The following RB1CC1 variants were observed in gnomAD, a reference collection of about 807,000 sequenced individuals.
RB1CC1 encodes the protein RB1 inducible coiled-coil 1, also known as RB1-inducible coiled-coil protein 1.
In RB1CC1, 46 loss-of-function variants were observed where a neutral mutation model predicts 177.5. The observed-to-expected ratio is 0.26, with a 90% CI of 0.20 to 0.33. RB1CC1 has a LOEUF of 0.33. RB1CC1 is among the 10% of genes least tolerant of loss of function. RB1CC1 has a pLI of 1.00. For synonymous variants in RB1CC1, 666 were observed against 613.6 expected (o/e 1.09, Z -1.26); for missense variants, 1,703 against 1,816.3 (o/e 0.94, Z 1.13).
Position 52,658,993 on chromosome 8 carries a change from A to C in RB1CC1, c.1690-17T>G. On this transcript the variant is annotated splice_polypyrimidine_tract_variant and intron_variant, in intron 12 of 23. Transcript: ENST00000025008. ...CTTTTGAGTCTGTACCAAAAAAATT[A>C]ATTACTTAAAAAATTTTTTTTCAAC... is the stretch of plus-strand genomic sequence containing the variant. 2 of 1,433,352 alleles carry C rather than the reference A, an allele frequency of 1.4e-6. No homozygotes were observed. The highest frequency in any genetic ancestry group is 2.9e-5 in the South Asian group (2 of 67,848). The allele number at this position is 1,433,352 out of a possible 1,614,324, so 88.8% of individuals were successfully genotyped here.
chr8:52,624,309 T>C (rs1848234044), intron 23 of RB1CC1, among the ~76,000 whole-genome samples: 1 of 151,944 alleles, frequency 6.6e-6, no homozygotes, highest in Admixed American at 6.6e-5. Flanking sequence ...AATCAGTCCA[T>C]TTGTTAAGCC....
chr8:52,695,304 T>C (rs1378774446), intron 1 of RB1CC1, among the ~76,000 whole-genome samples: 14 of 152,230 alleles, frequency 9.2e-5, no homozygotes, highest in African/African-American at 2.4e-5. Flanking sequence ...AAAGAAGGCA[T>C]TGACAGACCT....
At chr8:52,637,951 A>T (rs1048306885) in intron 18 of RB1CC1, among the ~76,000 whole-genome samples, 1 of 152,162 alleles carries the variant, frequency 6.6e-6, no homozygotes, top group African/African-American at 2.4e-5. Context: ...GATTACAGGC[A>T]TGAGCCACTG....
At chr8:52,623,905 ATCTC>A (rs201357203) in intron 23 of RB1CC1, 46 bp from the exon 24 acceptor site, 5 of 1,222,928 alleles carry the variant, frequency 4.1e-6, no homozygotes, top group African/African-American at 1.6e-5. Context: ...ATTAAACCAC[ATCTC>A]TCTCTCTCAC....
intron 7 of RB1CC1, among the ~76,000 whole-genome samples, chr8:52,670,389 T>C (rs1403188826): frequency 1.3e-5 from 2 of 152,222 alleles, no homozygotes; most frequent in African/African-American, 2.4e-5. Context: ...CAGTGATACA[T>C]TAATTTTTAC....
intron 18 of RB1CC1, among the ~76,000 whole-genome samples, chr8:52,636,275 T>C (rs1849136875): frequency 6.6e-6 from 1 of 152,214 alleles, no homozygotes; most frequent in South Asian, 2.1e-4. Flanking sequence ...TTTGAAATAA[T>C]AAGTAAAACT....
At chr8:52,674,861 TA>T (rs780249170) in intron 6 of RB1CC1, among the ~76,000 whole-genome samples, 1 of 152,076 alleles carries the variant, frequency 6.6e-6, no homozygotes, top group African/African-American at 2.4e-5. Flanking sequence ...GTAACAAATT[TA>T]AATTTACAAA....
intron 1 of RB1CC1, among the ~76,000 whole-genome samples, chr8:52,700,468 G>C (rs1052034719): frequency 6.6e-6 from 1 of 152,156 alleles, no homozygotes. Flanking sequence ...CTGGGAGGTT[G>C]AGGCTGCAGC....
intron 18 of RB1CC1, among the ~76,000 whole-genome samples, chr8:52,638,663 TC>T (rs1849334600): frequency 1.3e-5 from 2 of 152,128 alleles, no homozygotes; most frequent in Admixed American, 6.5e-5. Context: ...CCAAGTGCTC[TC>T]CTACTCTGAT....
intron 15 of RB1CC1, 117 bp from the exon 16 acceptor site, chr8:52,645,984 T>A (rs551526902): frequency 4.0e-6 from 4 of 998,900 alleles, no homozygotes; most frequent in Non-Finnish European, 6.0e-6. Context: ...ATGAAAGATA[T>A]CTGTGTGAAC....
At chr8:52,709,575 C>T in intron 1 of RB1CC1, among the ~76,000 whole-genome samples, 1 of 152,098 alleles carries the variant, frequency 6.6e-6, no homozygotes, top group East Asian at 1.9e-4. Flanking sequence ...CCCGTCTCTA[C>T]TAAGAATACA....
At chr8:52,684,571 T>C (rs904593513) in intron 3 of RB1CC1, among the ~76,000 whole-genome samples, 2 of 152,216 alleles carry the variant, frequency 1.3e-5, no homozygotes, top group Non-Finnish European at 2.9e-5. Context: ...ATTTCTTTCC[T>C]GTCCTGTCAA....
At chr8:52,698,163 A>C (rs1458269029) in intron 1 of RB1CC1, among the ~76,000 whole-genome samples, 1 of 151,532 alleles carries the variant, frequency 6.6e-6, no homozygotes, top group Non-Finnish European at 1.5e-5. Flanking sequence ...CAACCTCACA[A>C]CCTCCCCGGC....
At chr8:52,711,655 A>G (rs1445305844) in intron 1 of RB1CC1, among the ~76,000 whole-genome samples, 1 of 152,224 alleles carries the variant, frequency 6.6e-6, no homozygotes, top group East Asian at 1.9e-4. Context: ...TTTGGCTTCA[A>G]CTGCTTTCCA....
intron 15 of RB1CC1, among the ~76,000 whole-genome samples, chr8:52,649,277 A>T (rs1182516981): frequency 1.3e-5 from 2 of 152,150 alleles, no homozygotes; most frequent in African/African-American, 4.8e-5. Flanking sequence ...GGACATTGAA[A>T]CTCAAGGAAG....
At chr8:52,626,242 C>T (rs77366320) in intron 22 of RB1CC1, among the ~76,000 whole-genome samples, 5 of 152,080 alleles carry the variant, frequency 3.3e-5, no homozygotes, top group Admixed American at 6.6e-5. Context: ...AAAAAAGGAA[C>T]GGGGGTTTAT....
chr8:52,657,734 T>A lies in RB1CC1; in HGVS notation c.2095A>T (p.Thr699Ser). The change falls in exon 15 of 24, where the codon ACG becomes TCG. Residue 699 changes from threonine (T) to serine (S), a missense_variant. Thr to Ser is a moderately conservative substitution (Grantham distance 58). Coordinates refer to ENST00000025008, the MANE Select transcript of RB1CC1 (RefSeq NM_014781.5). The part of the protein sequence containing the change: ...ELSPDSIDAH[T>S]FDFETIPHPN... ...TGGGGAATAGTTTCAAAATCAAACG[T>A]ATGTGCATCAATACTATCTGGAGAT... 6.2e-7 allele frequency: 1 copy of A among 1,614,066 alleles called. No homozygotes were observed. Among genetic ancestry groups the A allele is most frequent in the Non-Finnish European group, 8.5e-7 (1 of 1,180,014 alleles).
intron 21 of RB1CC1, among the ~76,000 whole-genome samples, chr8:52,628,816 T>C (rs1848565806): frequency 6.6e-6 from 1 of 152,244 alleles, no homozygotes; most frequent in Non-Finnish European, 1.5e-5. Flanking sequence ...ATCAATCTCA[T>C]ATTTTTCAGT....
At chr8:52,713,349 A>G (rs899391617) in intron 1 of RB1CC1, among the ~76,000 whole-genome samples, 2 of 152,196 alleles carry the variant, frequency 1.3e-5, no homozygotes, top group African/African-American at 4.8e-5. Context: ...CACATCCACC[A>G]GGCGGTGGAA....
Sources: allele counts gnomAD v4.1 joint callset (sites outside exome capture counted in the v4.1 genomes callset), GRCh38; gene constraint gnomAD v4.1.1; transcripts MANE v1.5; gene names NCBI Gene and HGNC (gene_info 2026-07-23, HGNC 2026-07-21).